COLEC12: variants seen among roughly 807,000 people sequenced by gnomAD.
COLEC12 encodes the protein collectin subfamily member 12, also known as collectin-12.
COLEC12 carries 33 observed loss-of-function variants against 71.1 expected under a neutral mutation model. That is an observed-to-expected ratio of 0.46 (90% CI 0.35 to 0.62). COLEC12 has a LOEUF of 0.62. Ranked by LOEUF, COLEC12 falls within the 20% of genes least tolerant of loss-of-function variation. COLEC12 has a pLI of 0.00. For synonymous variants in COLEC12, 350 were observed against 353.0 expected (o/e 0.99, Z 0.10); for missense variants, 765 against 916.1 (o/e 0.84, Z 2.13).
intron 2 of COLEC12, among the ~76,000 whole-genome samples, chr18:467,062 G>C (rs1917102392): frequency 1.3e-5 from 2 of 152,162 alleles, no homozygotes; most frequent in Admixed American, 1.3e-4. Flanking sequence ...CTAGGTGTTT[G>C]CAATTATAAA....
intron 2 of COLEC12, among the ~76,000 whole-genome samples, chr18:363,640 A>C (rs1177753093): frequency 6.6e-6 from 1 of 152,228 alleles, no homozygotes; most frequent in Non-Finnish European, 1.5e-5. Context: ...TATAATTAAA[A>C]TGGCCCCAAA....
chr18:474,682 C>T (rs1917269104), intron 2 of COLEC12, among the ~76,000 whole-genome samples: 1 of 152,198 alleles, frequency 6.6e-6, no homozygotes. Context: ...ATACAGGGGC[C>T]AGATAAAGAG....
At chr18:407,057 G>A (rs184547662) in intron 2 of COLEC12, among the ~76,000 whole-genome samples, 1 of 152,354 alleles carries the variant, frequency 6.6e-6, no homozygotes, top group Non-Finnish European at 1.5e-5. Context: ...CAGTCGAAAG[G>A]CCTCCGCTGG....
intron 2 of COLEC12, among the ~76,000 whole-genome samples, chr18:443,725 A>G (rs1054831125): frequency 6.6e-6 from 1 of 152,124 alleles, no homozygotes; most frequent in Admixed American, 6.6e-5. Context: ...TATAGTTAGC[A>G]TATTTGTCCC....
intron 2 of COLEC12, among the ~76,000 whole-genome samples, chr18:427,408 G>A (rs7239406): frequency 0.31 from 47,175 of 151,972 alleles, 7,645 homozygotes; most frequent in East Asian, 0.47. Flanking sequence ...ATTTCAAGAC[G>A]GGTAAAGAAG....
chr18:420,286 G>GA (rs1365956300), intron 2 of COLEC12, among the ~76,000 whole-genome samples: 2 of 152,164 alleles, frequency 1.3e-5, no homozygotes, highest in Non-Finnish European at 2.9e-5. Flanking sequence ...TGTAACACGT[G>GA]TATCACTAAA....
chr18:499,429 G>A (rs1917776349), intron 1 of COLEC12, among the ~76,000 whole-genome samples: 1 of 152,202 alleles, frequency 6.6e-6, no homozygotes, highest in Non-Finnish European at 1.5e-5. Context: ...ACTTTCCAGA[G>A]CCAAAAGTTA....
intron 2 of COLEC12, among the ~76,000 whole-genome samples, chr18:475,240 C>T (rs1033633395): frequency 1.3e-5 from 2 of 152,104 alleles, no homozygotes; most frequent in Admixed American, 1.3e-4. Context: ...CACCTTCCTC[C>T]CAGTGTCAGT....
At chr18:442,002 T>TACACACACAGACACACACACACACACAC (rs1555620304) in intron 2 of COLEC12, among the ~76,000 whole-genome samples, 1 of 120,744 alleles carries the variant, frequency 8.3e-6, no homozygotes, top group African/African-American at 3.9e-5. Context: ...TCTCTCTCTC[T>TACACACACAGACACACACACACACACAC]ACACACACAC....
intron 1 of COLEC12, among the ~76,000 whole-genome samples, chr18:482,867 C>G (rs1406821867): frequency 6.6e-6 from 1 of 151,990 alleles, no homozygotes; most frequent in Non-Finnish European, 1.5e-5. Context: ...CCCGCCTCGG[C>G]CTCCCAAAGT....
intron 2 of COLEC12, among the ~76,000 whole-genome samples, chr18:449,433 T>C (rs1916714984): frequency 6.6e-6 from 1 of 152,204 alleles, no homozygotes; most frequent in Admixed American, 6.5e-5. Flanking sequence ...AAACTTGTTT[T>C]GAAGGAGACC....
intron 3 of COLEC12, 90 bp from the exon 4 acceptor site, chr18:348,253 A>G: frequency 6.2e-6 from 5 of 810,880 alleles, no homozygotes; most frequent in Non-Finnish European, 1.0e-5. Flanking sequence ...ATTATGGAAC[A>G]AAGGAAACAG....
At chr18:488,936 GT>G (rs1917570861) in intron 1 of COLEC12, among the ~76,000 whole-genome samples, 1 of 152,032 alleles carries the variant, frequency 6.6e-6, no homozygotes, top group African/African-American at 2.4e-5. Context: ...TATAACAGGT[GT>G]TTCCCGGAAA....
intron 2 of COLEC12, among the ~76,000 whole-genome samples, chr18:380,667 G>A (rs1339662117): frequency 2.0e-5 from 3 of 152,054 alleles, no homozygotes; most frequent in African/African-American, 7.2e-5. Context: ...TGGGTTCCAG[G>A]TGGGCCCCTG....
chr18:425,223 T>A lies in COLEC12; in HGVS notation c.58+55484A>T, dbSNP rs1916176882. On this transcript the variant is annotated intron_variant, in intron 2 of 9. Transcript: ENST00000400256. ...AGTCTCCATAACTCAAACCCGTGAGTTGCAGTTGAAGTTACTTTCTCTTGC... is the reference window on the plus strand; with the variant it reads ...AGTCTCCATAACTCAAACCCGTGAGATGCAGTTGAAGTTACTTTCTCTTGC... 3.9e-5 allele frequency among the ~76,000 whole-genome samples: 6 copies of A among 152,286 alleles called. No homozygotes were observed. In the South Asian group the frequency reaches 1.2e-3, roughly 32 times the overall value.
intron 2 of COLEC12, among the ~76,000 whole-genome samples, chr18:469,197 T>G (rs905900335): frequency 6.6e-6 from 1 of 152,234 alleles, no homozygotes; most frequent in Non-Finnish European, 1.5e-5. Flanking sequence ...CGACCTTATT[T>G]GGAAACCATT....
chr18:437,524 CAGACACACAGA>C (rs1379564485), intron 2 of COLEC12, among the ~76,000 whole-genome samples: 18 of 151,956 alleles, frequency 1.2e-4, no homozygotes, highest in Non-Finnish European at 1.5e-4. Context: ...GGGGTATGTG[CAGACACACAGA>C]ATGACGAACT....
chr18:372,658 T>C (rs1035083208), intron 2 of COLEC12, among the ~76,000 whole-genome samples: 1 of 152,154 alleles, frequency 6.6e-6, no homozygotes, highest in African/African-American at 2.4e-5. Context: ...GCTCAAGCGA[T>C]CCACCTGCCT....
chr18:439,995 A>G (rs2143691451), intron 2 of COLEC12, among the ~76,000 whole-genome samples: 1 of 151,456 alleles, frequency 6.6e-6, no homozygotes, highest in Admixed American at 6.6e-5. Context: ...ATGAATGCAC[A>G]CACACACACA....
Sources: gnomAD v4.1 joint callset for allele counts (sites outside exome capture counted in the v4.1 genomes callset) on GRCh38, gnomAD v4.1.1 for gene constraint, MANE v1.5 for transcripts, NCBI Gene and HGNC (gene_info 2026-07-23, HGNC 2026-07-21) for gene names.